SETD1A: variants seen among roughly 807,000 people sequenced by gnomAD.
SETD1A encodes histone-lysine N-methyltransferase SETD1A.
SETD1A carries 29 observed loss-of-function variants against 149.9 expected under a neutral mutation model. That is an observed-to-expected ratio of 0.19 (90% CI 0.14 to 0.26). The LOEUF (loss-of-function observed/expected upper bound fraction) is 0.26. Among genes scored for constraint, SETD1A ranks in the 10% least tolerant of loss-of-function variants. The probability of loss-of-function intolerance (pLI) is 1.00; values close to 1 mark genes in which losing one functional copy is unlikely to be tolerated. For synonymous variants in SETD1A, 1,141 were observed against 968.5 expected (o/e 1.18, Z -3.31); for missense variants, 2,109 against 2,353.1 (o/e 0.90, Z 2.15).
Position 30,979,161 on chromosome 16 carries a change from A to AC in SETD1A, c.3381dup (p.Ser1128GlnfsTer22). 3 of 1,569,166 alleles carry AC rather than the reference A, an allele frequency of 1.9e-6. No individual in the cohort carries two copies. ...CCTTCCCAGGCCCCACGGAGGAGTC[A>AC]CCCCCCAGTGCGCCTCTGCGTCCCC... On this transcript the variant is annotated frameshift_variant, in exon 14 of 19. Transcript: ENST00000262519. LOFTEE classifies it high-confidence loss of function.
chr16:30,969,759 T>G, intron 12 of SETD1A, 70 bp downstream of exon 12: 1 of 1,203,508 alleles, frequency 8.3e-7, no homozygotes, highest in Non-Finnish European at 1.2e-6. Flanking sequence ...AGCCCTTTTC[T>G]GAGCCCACAT....
intron 9 of SETD1A, 73 bp downstream of exon 9, chr16:30,967,133 G>A: frequency 8.8e-7 from 1 of 1,135,790 alleles, no homozygotes; most frequent in Non-Finnish European, 1.2e-6. Context: ...GGGTAGGGGT[G>A]GTCAGGAACC....
intron 6 of SETD1A, 21 bp downstream of exon 6, chr16:30,964,344 G>A (rs752616241): frequency 6.3e-7 from 1 of 1,591,042 alleles, no homozygotes; most frequent in Non-Finnish European, 8.6e-7. Flanking sequence ...GACCCCGCCT[G>A]GGGCCCCGCC....
intron 13 of SETD1A, among the ~76,000 whole-genome samples, chr16:30,972,918 A>G (rs2056242954): frequency 6.6e-6 from 1 of 152,062 alleles, no homozygotes; most frequent in South Asian, 2.1e-4. Context: ...AGCACCAGGA[A>G]GAGGCACAGG....
chr16:30,964,734 C>T lies in SETD1A; in HGVS notation c.992C>T (p.Thr331Ile). 1 of 1,614,238 alleles carries T rather than the reference C, an allele frequency of 6.2e-7. No individual in the cohort carries two copies. The highest frequency in any genetic ancestry group is 1.1e-5 in the South Asian group (1 of 91,082). Reference protein sequence around the residue: ...TTASTAIAATTAATASSSASS... With the variant: ...TTASTAIAATIAATASSSASS... ...GCCTCCACGGCCATCGCCGCCACCACTGCAGCCACTGCCTCATCCTCCGCC... is the reference window on the plus strand; with the variant it reads ...GCCTCCACGGCCATCGCCGCCACCATTGCAGCCACTGCCTCATCCTCCGCC... The change falls in exon 7 of 19, where the codon ACT becomes ATT. Residue 331 changes from threonine (T) to isoleucine (I), a missense_variant. Physicochemically the swap from Thr to Ile is moderately conservative, Grantham distance 89 (BLOSUM62 -1). This residue lies in a region of SETD1A where 410 missense variants were observed against 394.8 expected (regional missense o/e 1.04). Transcript: ENST00000262519.
intron 11 of SETD1A, 33 bp downstream of exon 11, chr16:30,969,495 C>T (rs1193314327): frequency 6.3e-7 from 1 of 1,599,264 alleles, no homozygotes; most frequent in Non-Finnish European, 8.5e-7. Flanking sequence ...CTGGCCGAAG[C>T]CTACTTCCCA....
chr16:30,965,844 C>T lies in SETD1A; in HGVS notation c.1963C>T (p.His655Tyr). Residue 655 changes from histidine to tyrosine, a missense_variant, in exon 8 of 19, where the codon CAC (histidine) becomes TAC (tyrosine). By Grantham distance (83) the His-to-Tyr change is moderately conservative (BLOSUM62 2). Around this residue, in one of 8 missense-constraint regions of SETD1A, gnomAD observed 431 missense variants for 388.6 expected, o/e 1.11. Transcript: ENST00000262519. ...EYPPPPPPPP[H>Y]IYDFVNSLEL... is the part of the protein sequence containing the mutation. ...CCCCCCACCTCCTCCACCACCCCCG[C>T]ACATCTATGACTTTGTGAACTCCTT... 6.2e-7 allele frequency: 1 copy of T among 1,610,694 alleles called. No homozygotes were observed. Among genetic ancestry groups the T allele is most frequent in the Non-Finnish European group, 8.5e-7 (1 of 1,178,112 alleles).
In SETD1A at chr16:30,971,569, C is replaced by A. The variant is rs776011822; in HGVS notation, c.3208C>A (p.Arg1070=). 6.8e-6 allele frequency: 11 copies of A among 1,613,814 alleles called. No homozygotes were observed. Among genetic ancestry groups the A allele is most frequent in the Admixed American group, 6.7e-5 (4 of 59,992 alleles). Residue 1070 remains arginine (R), a synonymous_variant, in exon 13 of 19, where the codon CGG becomes AGG. Coordinates refer to ENST00000262519, the MANE Select transcript of SETD1A (RefSeq NM_014712.3). ...SSSEDEEEEE[R]PAALPSASPP... ...CTCTGAAGATGAAGAGGAAGAGGAG[C>A]GGCCAGCAGCCCTTCCCTCAGCCTC...
At position 30,983,967 on chromosome 16, in the gene SETD1A, GACA is replaced by G; in HGVS notation, c.5073_5075del (p.Asn1691del). 1.2e-6 allele frequency: 2 copies of G among 1,614,158 alleles called. No individual in the cohort carries two copies. The highest frequency in any genetic ancestry group is 1.1e-5 in the South Asian group (1 of 91,088). ...CTACGACTACAAGTTCCCACTGGAA[GACA>G]ACAAGATCCCGTGTCTGTGTGGCAC... On this transcript the variant is annotated inframe_deletion, in exon 19 of 19. Coordinates refer to ENST00000262519, the MANE Select transcript of SETD1A (RefSeq NM_014712.3). This position sits in a 1 kb window ranked among gnomAD's most constrained non-coding sequence, Gnocchi z 6.8.
At chr16:30,972,736 C>T (rs988003371) in intron 13 of SETD1A, among the ~76,000 whole-genome samples, 2 of 151,528 alleles carry the variant, frequency 1.3e-5, no homozygotes, top group African/African-American at 4.9e-5. Context: ...CACCTGTGAT[C>T]CCAGCTGCTC....
intron 5 of SETD1A, 68 bp downstream of exon 5, chr16:30,963,622 G>A (rs2143479740): frequency 1.7e-5 from 26 of 1,516,438 alleles, no homozygotes; most frequent in Non-Finnish European, 2.1e-5. Flanking sequence ...CGGAGCAGGA[G>A]CAGTCTTCGG....
In SETD1A at chr16:30,983,798, G is replaced by A. The variant is rs1158285150; in HGVS notation, c.4950+26G>A. 2 of 1,612,728 alleles carry A rather than the reference G, an allele frequency of 1.2e-6. No individual in the cohort carries two copies. Reference sequence around the variant, plus strand: ...GTGCGCCAGGGGCCAGCCGGGGCAGGAGTTGGGGGTCGGTGGGGGTGGCCA... The same window carrying A: ...GTGCGCCAGGGGCCAGCCGGGGCAGAAGTTGGGGGTCGGTGGGGGTGGCCA... On this transcript the variant is annotated intron_variant, in intron 18 of 18. Transcript: ENST00000262519. This position sits in a 1 kb window ranked among gnomAD's most constrained non-coding sequence, Gnocchi z 6.8.
In SETD1A at chr16:30,966,130, T is replaced by A; in HGVS notation, c.2249T>A (p.Leu750Gln). 1 of 1,603,014 alleles carries A rather than the reference T, an allele frequency of 6.2e-7. No homozygotes were observed. The highest frequency in any genetic ancestry group is 2.2e-5 in the East Asian group (1 of 44,686). Residue 750 changes from leucine to glutamine, a missense_variant, in exon 8 of 19, where the codon CTG (leucine) becomes CAG (glutamine). This residue lies in a region of SETD1A where 431 missense variants were observed against 388.6 expected (regional missense o/e 1.11). Coordinates refer to ENST00000262519, the MANE Select transcript of SETD1A (RefSeq NM_014712.3). ...RGAYSREAYH[L>Q]PMPMAAEPLP... The stretch of plus-strand genomic sequence containing the variant: ...GCATACTCACGGGAGGCCTACCACC[T>A]GCCCATGCCAATGGCAGCCGAGCCC...
At position 30,957,804 on chromosome 16, in the gene SETD1A, C is replaced by T. The variant is rs2055982888; in HGVS notation, c.-176C>T. The T allele has an allele frequency of 6.6e-6, 1 of 152,220 alleles. No individual in the cohort carries two copies. Among genetic ancestry groups the T allele is most frequent in the African/African-American group, 2.4e-5 (1 of 41,470 alleles). 9.4% of individuals were successfully genotyped at this position (152,220 alleles called of 1,614,324 possible). ...AGATCGTCGTGGCGAAGCCGACTCT[C>T]CGGGGGATGCGGCCAATCTCCAAGC... On this transcript the variant is annotated 5_prime_UTR_variant, in exon 1 of 19. Coordinates refer to ENST00000262519, the MANE Select transcript of SETD1A (RefSeq NM_014712.3).
rs541135527 is a variant in SETD1A, at chr16:30,979,059, G to C, written c.3359-86G>C. ...GGTTCCTGGGCGGAAGTGGGGGAGA[G>C]CACACAGCCTGTGGTCATGGGCGGC... On this transcript the variant is annotated intron_variant, in intron 13 of 18. Coordinates refer to ENST00000262519, the MANE Select transcript of SETD1A (RefSeq NM_014712.3). 60 of 1,352,962 alleles carry C rather than the reference G, an allele frequency of 4.4e-5. No individual in the cohort carries two copies. The African/African-American group carries it at 8.2e-4, about 19-fold the overall frequency. The allele number at this position is 1,352,962 out of a possible 1,614,324, so 83.8% of individuals were successfully genotyped here.
rs2056422020 is a variant in SETD1A at position 30,984,087 on chromosome 16, C to T, written c.*64C>T. The T allele has an allele frequency of 2.0e-6, 3 of 1,477,096 alleles. No individual in the cohort carries two copies. The highest frequency in any genetic ancestry group is 2.7e-6 in the Non-Finnish European group (3 of 1,091,088). The allele number at this position is 1,477,096 out of a possible 1,614,324, so 91.5% of individuals were successfully genotyped here. ...CCCTGGTGCCCTGAGCTCCCAGCAC[C>T]CCCCCAGCCTTAGTGGGCTCAGCAG... On this transcript the variant is annotated 3_prime_UTR_variant, in exon 19 of 19. Coordinates refer to ENST00000262519, the MANE Select transcript of SETD1A (RefSeq NM_014712.3).
intron 13 of SETD1A, 110 bp from the exon 14 acceptor site, chr16:30,979,035 G>A: frequency 8.8e-7 from 1 of 1,130,824 alleles, no homozygotes; most frequent in Non-Finnish European, 1.2e-6. Context: ...TCCCTCCGGG[G>A]TTCCTGGGCG....
intron 13 of SETD1A, among the ~76,000 whole-genome samples, chr16:30,975,428 C>CTTT (rs1335608657): frequency 7.3e-5 from 10 of 136,412 alleles, no homozygotes; most frequent in East Asian, 4.3e-4. Context: ...CAACCTCTCC[C>CTTT]TTTTTTTTTT....
At position 30,983,457 on chromosome 16, in the gene SETD1A, C is replaced by G. The variant is rs1237276196; in HGVS notation, c.4813-178C>G. 2.0e-5 allele frequency among the ~76,000 whole-genome samples: 3 copies of G among 152,174 alleles called. No homozygotes were observed. Among genetic ancestry groups the G allele is most frequent in the Admixed American group, 1.3e-4 (2 of 15,282 alleles). ...CCACCAGAGGCTTAGGATGCTGCCC[C>G]AAAGAGGGAGGGCTCCTGGAAGCAG... On this transcript the variant is annotated intron_variant, in intron 17 of 18. Coordinates refer to ENST00000262519, the MANE Select transcript of SETD1A (RefSeq NM_014712.3). This position sits in a 1 kb window ranked among gnomAD's most constrained non-coding sequence, Gnocchi z 6.8.
Sources: gnomAD v4.1 joint callset for allele counts (sites outside exome capture counted in the v4.1 genomes callset) on GRCh38, gnomAD v4.1.1 for gene constraint, gnomAD v4.1.1 regional missense constraint, Gnocchi (gnomAD v3.1) non-coding constraint, MANE v1.5 for transcripts, NCBI Gene and HGNC (gene_info 2026-07-23, HGNC 2026-07-21) for gene names.